PSG9: variants seen among roughly 807,000 people sequenced by gnomAD.
The protein encoded by PSG9 is pregnancy-specific beta-1-glycoprotein 9.
PSG9 carries 49 observed loss-of-function variants against 41.9 expected under a neutral mutation model. The observed-to-expected ratio is 1.17, with a 90% CI of 0.93 to 1.48. PSG9 has a LOEUF of 1.48. PSG9 is among the 40% of genes most tolerant of loss of function. PSG9 has a pLI of 0.00. For missense variants in PSG9, 641 were observed against 520.3 expected, an observed-to-expected ratio of 1.23 and a Z score of -2.26; for synonymous variants, 263 against 196.8, an observed-to-expected ratio of 1.34 and a Z score of -2.82.
chr19:43,253,733 G>A, intron 5 of PSG9, 87 bp from the exon 6 acceptor site: 1 of 802,632 alleles, frequency 1.2e-6, no homozygotes, highest in Non-Finnish European at 2.0e-6. Flanking sequence ...CTCCCAGGAA[G>A]GGTGTGAAAG....
intron 5 of PSG9, among the ~76,000 whole-genome samples, chr19:43,255,043 A>G (rs1487167175): frequency 7.0e-6 from 1 of 142,976 alleles, no homozygotes; most frequent in African/African-American, 2.7e-5. Flanking sequence ...GTGAGCCGTA[A>G]TCACACCACT....
At chr19:43,268,713 G>A (rs1403288741) in intron 1 of PSG9, among the ~76,000 whole-genome samples, 1 of 152,106 alleles carries the variant, frequency 6.6e-6, no homozygotes, top group Non-Finnish European at 1.5e-5. Flanking sequence ...AGATGTGAGA[G>A]TTCTCAGGGC....
At chr19:43,262,462 A>C (rs2072289) in intron 2 of PSG9, among the ~76,000 whole-genome samples, 30,585 of 151,930 alleles carry the variant, frequency 0.2, 3,847 homozygotes, top group East Asian at 0.48. Context: ...GACTGGCCCA[A>C]CTTGTGGTCC....
At chr19:43,257,669 A>T (rs576682191) in intron 5 of PSG9, 1 of 1,067,382 alleles carries the variant, frequency 9.4e-7, no homozygotes, top group Non-Finnish European at 1.1e-6. Context: ...CACACACGCT[A>T]GTCCCACCCC....
rs1447781563 is a variant in PSG9 at position 43,259,010 on chromosome 19, T to G, written c.835A>C (p.Ser279Arg). The G allele has an allele frequency of 6.3e-7, 1 of 1,590,682 alleles. No homozygotes were observed. Among genetic ancestry groups the G allele is most frequent in the African/African-American group, 1.4e-5 (1 of 70,586 alleles). ...YTYIWWLNGQ[S>R]LPVSPGVKRP... is the part of the protein sequence containing the mutation. ...TTTACCCCGGGACTGACGGGGAGGC[T>G]CTGACCGTTTAGCCACCAAATGTAG... The change falls in exon 4 of 6, where the codon AGC (serine) becomes CGC (arginine). Residue 279 changes from serine (S) to arginine (R), a missense_variant. Physicochemically the swap from Ser to Arg is moderately radical, Grantham distance 110 (BLOSUM62 -1). Coordinates refer to ENST00000270077, the MANE Select transcript of PSG9 (RefSeq NM_002784.5).
intron 3 of PSG9, among the ~76,000 whole-genome samples, chr19:43,261,646 C>A (rs906545149): frequency 6.6e-6 from 1 of 152,064 alleles, no homozygotes; most frequent in African/African-American, 2.4e-5. Flanking sequence ...AGCTGTGGAC[C>A]CAGAGTCTCC....
At chr19:43,266,745 C>A (rs1018149147) in intron 2 of PSG9, among the ~76,000 whole-genome samples, 1 of 152,068 alleles carries the variant, frequency 6.6e-6, no homozygotes, top group Non-Finnish European at 1.5e-5. Context: ...TCCTTGGAAC[C>A]CAGTAAGCCC....
intron 2 of PSG9, among the ~76,000 whole-genome samples, chr19:43,264,632 T>G (rs920188577): frequency 6.6e-6 from 1 of 152,040 alleles, no homozygotes; most frequent in African/African-American, 2.4e-5. Flanking sequence ...TAATTTTTTG[T>G]ATTTTTAATA....
rs142524489 is a variant in PSG9, at chr19:43,262,004, C to T, written c.565G>A (p.Val189Met). The T allele has an allele frequency of 2.0e-3, 3,300 of 1,614,016 alleles. 23 individuals carry two copies. The highest frequency in any genetic ancestry group is 2.6e-3 in the Non-Finnish European group (3,053 of 1,179,926). Reference protein sequence around the residue: ...LWWMNGQSLPVTHRLQLSKTN... With the variant: ...LWWMNGQSLPMTHRLQLSKTN... ...TTGGACAGCTGCAACCTGTGAGTCA[C>T]AGGGAGGCTCTGACCATTCATCCAC... Residue 189 changes from valine (V) to methionine (M), a missense_variant, in exon 3 of 6, where the codon GTG becomes ATG. Transcript: ENST00000270077.
chr19:43,260,716 CAG>C (rs1457792842), intron 3 of PSG9: 1 of 151,866 alleles, frequency 6.6e-6, no homozygotes, highest in Non-Finnish European at 1.5e-5. Flanking sequence ...AGATTTAGGA[CAG>C]AGTTTTCTAA....
intron 2 of PSG9, among the ~76,000 whole-genome samples, chr19:43,266,647 C>T (rs1350360295): frequency 1.3e-5 from 2 of 152,110 alleles, no homozygotes; most frequent in African/African-American, 4.8e-5. Flanking sequence ...TTCTGGAATA[C>T]AGACTAATCA....
intron 2 of PSG9, 114 bp downstream of exon 2, chr19:43,267,670 T>G (rs1253359701): frequency 2.6e-6 from 4 of 1,540,476 alleles, no homozygotes; most frequent in African/African-American, 1.4e-5. Context: ...AACCCCAGCA[T>G]GGGACATAAT....
Position 43,258,892 on chromosome 19 carries a change from C to T in PSG9, c.953G>A (p.Gly318Asp). ...YQCEIRDRYG[G>D]LRSNPVILNV... is the part of the protein sequence containing the mutation. Reference sequence around the variant, plus strand: ...TAGGATGACTGGGTTACTGCGGAGGCCACCATATCGGTCCCGTATTTCACA... The same window carrying T: ...TAGGATGACTGGGTTACTGCGGAGGTCACCATATCGGTCCCGTATTTCACA... The change falls in exon 4 of 6, where the codon GGC becomes GAC. Residue 318 changes from glycine (G) to aspartate (D), a missense_variant. Coordinates refer to ENST00000270077, the MANE Select transcript of PSG9 (RefSeq NM_002784.5). The T allele has an allele frequency of 6.3e-7, 1 of 1,587,436 alleles. No homozygotes were observed. The highest frequency in any genetic ancestry group is 8.5e-7 in the Non-Finnish European group (1 of 1,172,398).
In PSG9 at chr19:43,253,434, T is replaced by G. The variant is rs948691648; in HGVS notation, c.*175A>C. The stretch of plus-strand genomic sequence containing the variant: ...TTTACCAATTGCTGAAGAAAAAAAG[T>G]TCATAAATCTGGAGAATAAAACATT... On this transcript the variant is annotated 3_prime_UTR_variant, in exon 6 of 6. Coordinates refer to ENST00000270077, the MANE Select transcript of PSG9 (RefSeq NM_002784.5). The G allele has an allele frequency of 2.3e-5, 10 of 425,850 alleles. No homozygotes were observed. Among genetic ancestry groups the G allele is most frequent in the Middle Eastern group, 3.8e-4 (1 of 2,604 alleles). 26.4% of individuals were successfully genotyped at this position (425,850 alleles called of 1,614,324 possible).
intron 3 of PSG9, 115 bp downstream of exon 3, chr19:43,261,745 A>G: frequency 6.2e-7 from 1 of 1,610,866 alleles, no homozygotes; most frequent in Non-Finnish European, 8.5e-7. Flanking sequence ...GCCAGCTTTG[A>G]TGTCTAGGGG....
intron 2 of PSG9, among the ~76,000 whole-genome samples, chr19:43,264,844 T>C (rs932718005): frequency 6.6e-6 from 1 of 152,174 alleles, no homozygotes; most frequent in Non-Finnish European, 1.5e-5. Context: ...AAGCTTGTTA[T>C]ATGCCTGACA....
chr19:43,257,606 A>G (rs1209815721), intron 5 of PSG9: 8 of 991,892 alleles, frequency 8.1e-6, no homozygotes, highest in African/African-American at 1.8e-5. Context: ...GCTTGGCTTC[A>G]ACTGGCAGCT....
Position 43,269,415 on chromosome 19 carries a change from GC to G in PSG9, c.16del (p.Ala6ProfsTer20). On this transcript the variant is annotated frameshift_variant, in exon 1 of 6. Coordinates refer to ENST00000270077, the MANE Select transcript of PSG9 (RefSeq NM_002784.5). LOFTEE classifies it high-confidence loss of function. MGPLP[A>X]PSCTQRITWK... ...GGTGATGCGCTGTGTGCAGGAAGGG[GC>G]TGGGAGGGGCCCCATGGTCTCTGCT... is the stretch of plus-strand genomic sequence containing the variant. The G allele has an allele frequency of 6.2e-7, 1 of 1,613,650 alleles. No individual in the cohort carries two copies. Among genetic ancestry groups the G allele is most frequent in the Non-Finnish European group, 8.5e-7 (1 of 1,179,684 alleles).
Position 43,269,468 on chromosome 19 carries a change from G to A in PSG9, c.-37C>T, listed in dbSNP as rs554287344. The A allele has an allele frequency of 7.1e-5, 115 of 1,611,578 alleles. 2 individuals carry two copies. The highest frequency in any genetic ancestry group is 2.3e-4 in the Admixed American group (14 of 59,836). On this transcript the variant is annotated 5_prime_UTR_variant, in exon 1 of 6. Transcript: ENST00000270077. ...CCTGTGTGTTCTCCTCTGTGGAGAT[G>A]AGCCTGGGATCCAGAAGCTGTCTGA...
Sources: gnomAD v4.1 joint callset for allele counts (sites outside exome capture counted in the v4.1 genomes callset) on GRCh38, gnomAD v4.1.1 for gene constraint, MANE v1.5 for transcripts, NCBI Gene and HGNC (gene_info 2026-07-23, HGNC 2026-07-21) for gene names.